The following TRPM4 variants were observed in gnomAD, a reference collection of about 807,000 sequenced individuals.
The protein encoded by TRPM4 is calcium-activated non-selective cation channel 1.
TRPM4 carries 124 observed loss-of-function variants against 135.6 expected under a neutral mutation model. The ratio of observed to expected loss-of-function variants is 0.91; its 90% CI spans 0.79 to 1.06. The LOEUF (loss-of-function observed/expected upper bound fraction) is 1.06. Ranked by LOEUF, TRPM4 falls within the 50% of genes least tolerant of loss-of-function variation. The pLI, the probability that TRPM4 is intolerant of heterozygous loss-of-function variation, is 0.00. For synonymous variants in TRPM4, 745 were observed against 705.6 expected, an observed-to-expected ratio of 1.06 and a Z score of -0.88; for missense variants, 1,658 against 1,671.4, an observed-to-expected ratio of 0.99 and a Z score of 0.14.
Position 49,208,815 on chromosome 19 carries a change from TG to T in TRPM4, c.3132-1393del, listed in dbSNP as rs563573371. The stretch of plus-strand genomic sequence containing the variant: ...TTTACTAAAAATACAAAAAGTTAGC[TG>T]AGCGTGGTGGTGGGTGCCTGTAGTC... On this transcript the variant is annotated intron_variant, in intron 20 of 24. Transcript: ENST00000252826. Among the ~76,000 whole-genome samples, 11 of 152,132 alleles carry T rather than the reference TG, an allele frequency of 7.2e-5. No homozygotes were observed. The East Asian group carries it at 2.1e-3, about 29-fold the overall frequency.
chr19:49,210,711 G>A lies in TRPM4; in HGVS notation c.3330G>A (p.Arg1110=), dbSNP rs1348381798. 1 of 1,614,144 alleles carries A rather than the reference G, an allele frequency of 6.2e-7. No individual in the cohort carries two copies. Among genetic ancestry groups the A allele is most frequent in the Non-Finnish European group, 8.5e-7 (1 of 1,180,046 alleles). The change falls in exon 22 of 25, where the codon CGG becomes CGA. Residue 1110 remains arginine (R), a splice_region_variant and synonymous_variant. Coordinates refer to ENST00000252826, the MANE Select transcript of TRPM4 (RefSeq NM_017636.4). The surrounding 1 kb of genome is among the most constrained non-coding windows in gnomAD (Gnocchi z 4.1). ...QPSSPALEHF[R]VYLSKEAERK... ...CTTTGACTCCGCCCGCCCCTGCAGG[G>A]GTTTACCTTTCTAAGGAAGCCGAGC...
rs770598449 is a variant in TRPM4, at chr19:49,181,350, C to T, written c.1152C>T (p.Ala384=). Residue 384 remains alanine, a splice_region_variant and synonymous_variant, in exon 10 of 25, where the codon GCC becomes GCT. Coordinates refer to ENST00000252826, the MANE Select transcript of TRPM4 (RefSeq NM_017636.4). The part of the protein sequence containing the change: ...ETIVLKALVK[A]CGSSEASAYL... ...CCCCTCTCCCTCTAATCCTTCCAGC[C>T]TGTGGGAGCTCGGAGGCCTCAGCCT... 1.9e-6 allele frequency: 3 copies of T among 1,612,012 alleles called. No individual in the cohort carries two copies. Among genetic ancestry groups the T allele is most frequent in the Admixed American group, 1.7e-5 (1 of 59,964 alleles).
chr19:49,182,541 G>A (rs745313979), intron 10 of TRPM4, 37 bp from the exon 11 acceptor site: 1 of 1,574,934 alleles, frequency 6.3e-7, no homozygotes. Context: ...CTTAACCTTT[G>A]AGCTAATCTC....
In TRPM4 at chr19:49,200,407, C is replaced by T; in HGVS notation, c.2753C>T (p.Pro918Leu). 1 of 1,613,820 alleles carries T rather than the reference C, an allele frequency of 6.2e-7. No individual in the cohort carries two copies. Among genetic ancestry groups the T allele is most frequent in the Non-Finnish European group, 8.5e-7 (1 of 1,179,998 alleles). Residue 918 changes from proline to leucine, a missense_variant, in exon 18 of 25, where the codon CCC becomes CTC. Coordinates refer to ENST00000252826, the MANE Select transcript of TRPM4 (RefSeq NM_017636.4). Reference protein sequence around the residue: ...HIFTVNKQLGPKIVIVSKMMK... With the variant: ...HIFTVNKQLGLKIVIVSKMMK... ...TTCACGGTCAACAAACAGCTGGGGC[C>T]CAAGATCGTCATCGTGAGCAAGATG... is the stretch of plus-strand genomic sequence containing the variant.
Position 49,210,850 on chromosome 19 carries a change from C to G in TRPM4, c.3461+8C>G. ...GAAGCGCACGTCCCAGAAGTGAGAG[C>G]GGGGCCTGGTCGGGGATGGGGCTTC... On this transcript the variant is annotated splice_region_variant and intron_variant, in intron 22 of 24. Coordinates refer to ENST00000252826, the MANE Select transcript of TRPM4 (RefSeq NM_017636.4). The surrounding 1 kb of genome is among the most constrained non-coding windows in gnomAD (Gnocchi z 4.1). 1 of 1,603,920 alleles carries G rather than the reference C, an allele frequency of 6.2e-7. No homozygotes were observed. The highest frequency in any genetic ancestry group is 8.5e-7 in the Non-Finnish European group (1 of 1,175,840).
chr19:49,164,251 CTCTT>C (rs1261317892), intron 2 of TRPM4, among the ~76,000 whole-genome samples: 1 of 148,404 alleles, frequency 6.7e-6, no homozygotes, highest in Non-Finnish European at 1.5e-5. Flanking sequence ...CTTTCTTTCT[CTCTT>C]TCTCTTTCTT....
In TRPM4 at chr19:49,168,772, C is replaced by T. The variant is rs139282780; in HGVS notation, c.796+36C>T. The T allele has an allele frequency of 1.8e-4, 276 of 1,560,300 alleles. No individual in the cohort carries two copies. The East Asian group carries it at 5.6e-3, about 32-fold the overall frequency. ...GAACCCATGACCCACAACCCACGAC[C>T]CACAACCTGCAACCCCAGCGCTCAG... On this transcript the variant is annotated intron_variant, in intron 6 of 24. Transcript: ENST00000252826.
chr19:49,158,450 A>G, intron 2 of TRPM4, 191 bp downstream of exon 2: 1 of 630,776 alleles, frequency 1.6e-6, no homozygotes. Flanking sequence ...CCCATTCGCC[A>G]TTCTCCCGCT....
chr19:49,197,375 T>TCTC (rs376196444), intron 17 of TRPM4, among the ~76,000 whole-genome samples: 172 of 147,446 alleles, frequency 1.2e-3, no homozygotes, highest in Non-Finnish European at 1.9e-3. Flanking sequence ...TCTCTCTTTC[T>TCTC]TTTCTTTCTT....
In TRPM4 at chr19:49,175,918, C is replaced by T. The variant is rs571925804; in HGVS notation, c.1150+3810C>T. Among the ~76,000 whole-genome samples the T allele has an allele frequency of 7.2e-3, 1,010 of 140,500 alleles. 14 individuals are homozygous for T. The highest frequency in any genetic ancestry group is 0.025 in the African/African-American group (960 of 38,100). 92.2% of individuals were successfully genotyped at this position (140,500 alleles called of 152,430 possible). A position where few individuals can be genotyped will look rare whatever the true frequency, so the allele number is the denominator to read the frequency against. The stretch of plus-strand genomic sequence containing the variant: ...CTGGGATTACAGGCGTGAGCCACGG[C>T]GCCCGGCCTCTTTTTTTTTTTTTTT... On this transcript the variant is annotated intron_variant, in intron 9 of 24. Coordinates refer to ENST00000252826, the MANE Select transcript of TRPM4 (RefSeq NM_017636.4).
At chr19:49,170,659 G>A (rs903173797) in intron 6 of TRPM4, among the ~76,000 whole-genome samples, 11 of 152,078 alleles carry the variant, frequency 7.2e-5, no homozygotes, top group African/African-American at 2.4e-4. Flanking sequence ...TCAATGACAG[G>A]ATTGACTCAT....
chr19:49,184,954 T>A (rs12981922), intron 12 of TRPM4, among the ~76,000 whole-genome samples: 12 of 151,852 alleles, frequency 7.9e-5, no homozygotes, highest in East Asian at 3.8e-4. Context: ...TTTTTATTTT[T>A]AAAAAAATAA....
At position 49,210,024 on chromosome 19, in the gene TRPM4, C is replaced by G. The variant is rs561876788; in HGVS notation, c.3132-185C>G. Among the ~76,000 whole-genome samples, 15 of 152,322 alleles carry G rather than the reference C, an allele frequency of 9.8e-5. No homozygotes were observed. ...CCGGCCTCCCAAAGTGCTGGGACTACAGGCGTGACCAAACGCCCTTGGCTC... is the reference window on the plus strand; with the variant it reads ...CCGGCCTCCCAAAGTGCTGGGACTAGAGGCGTGACCAAACGCCCTTGGCTC... On this transcript the variant is annotated intron_variant, in intron 20 of 24. Coordinates refer to ENST00000252826, the MANE Select transcript of TRPM4 (RefSeq NM_017636.4). The surrounding 1 kb of genome is among the most constrained non-coding windows in gnomAD (Gnocchi z 4.1).
intron 20 of TRPM4, among the ~76,000 whole-genome samples, chr19:49,208,793 A>G (rs1568496313): frequency 6.6e-6 from 1 of 151,870 alleles, no homozygotes; most frequent in African/African-American, 2.4e-5. Flanking sequence ...CCCCATCTTT[A>G]CTAAAAATAC....
intron 9 of TRPM4, among the ~76,000 whole-genome samples, chr19:49,174,743 CA>C (rs34163341): frequency 0.4 from 37,702 of 94,356 alleles, 4,634 homozygotes; most frequent in South Asian, 0.48. Flanking sequence ...GACTCTGTCT[CA>C]AAAAAAAAAA....
chr19:49,197,850 AT>A (rs901776973), intron 17 of TRPM4, among the ~76,000 whole-genome samples: 4 of 150,504 alleles, frequency 2.7e-5, no homozygotes, highest in Non-Finnish European at 1.5e-5. Flanking sequence ...ACCTAGCTAA[AT>A]TTTTTTTGTA....
chr19:49,166,231 G>T lies in TRPM4; in HGVS notation c.267+16G>T. On this transcript the variant is annotated intron_variant, in intron 3 of 24. Coordinates refer to ENST00000252826, the MANE Select transcript of TRPM4 (RefSeq NM_017636.4). ...GCACAGCAATGTGAGGCGGGCCTCTGTGGGCGGGGCCCGGGCACCAGGGGG... is the reference window on the plus strand; with the variant it reads ...GCACAGCAATGTGAGGCGGGCCTCTTTGGGCGGGGCCCGGGCACCAGGGGG... 1 of 1,586,042 alleles carries T rather than the reference G, an allele frequency of 6.3e-7. No individual in the cohort carries two copies. Among genetic ancestry groups the T allele is most frequent in the Non-Finnish European group, 8.6e-7 (1 of 1,167,440 alleles).
At chr19:49,203,351 T>A (rs1969019110) in intron 20 of TRPM4, among the ~76,000 whole-genome samples, 1 of 151,676 alleles carries the variant, frequency 6.6e-6, no homozygotes, top group East Asian at 1.9e-4. Context: ...GGCTAATTTT[T>A]TGTATTTTTA....
chr19:49,185,858 C>T (rs957248533), intron 12 of TRPM4, among the ~76,000 whole-genome samples: 2 of 152,018 alleles, frequency 1.3e-5, no homozygotes, highest in Non-Finnish European at 2.9e-5. Flanking sequence ...TTAAGTGATT[C>T]TCCTGCCTCA....
Sources: allele counts gnomAD v4.1 joint callset (sites outside exome capture counted in the v4.1 genomes callset), GRCh38; gene constraint gnomAD v4.1.1; non-coding constraint Gnocchi (gnomAD v3.1); transcripts MANE v1.5; gene names NCBI Gene and HGNC (gene_info 2026-07-23, HGNC 2026-07-21).